Variants in ABCA13 observed in about 807,000 individuals in gnomAD.
The protein encoded by ABCA13 is ATP-binding cassette sub-family A member 13.
A neutral mutation model predicts 478.7 loss-of-function variants in ABCA13; 476 were observed. That is an observed-to-expected ratio of 0.99 (90% CI 0.92 to 1.07). The LOEUF is 1.07. Among genes scored for constraint, ABCA13 ranks in the 50% least tolerant of loss-of-function variants. The probability of loss-of-function intolerance (pLI) is 0.00; values close to 1 mark genes in which losing one functional copy is unlikely to be tolerated. For missense variants in ABCA13, 6,060 were observed against 5,910.6 expected, an observed-to-expected ratio of 1.03 and a Z score of -0.83; for synonymous variants, 2,252 against 2,158.9, an observed-to-expected ratio of 1.04 and a Z score of -1.20.
intron 15 of ABCA13, among the ~76,000 whole-genome samples, chr7:48,261,758 TG>T (rs1441087513): frequency 2.6e-5 from 4 of 151,980 alleles, no homozygotes; most frequent in Non-Finnish European, 5.9e-5. Flanking sequence ...CGATTCCTAC[TG>T]GTTTTTATTT....
chr7:48,303,803 T>C (rs1800508925), intron 23 of ABCA13, among the ~76,000 whole-genome samples: 1 of 152,202 alleles, frequency 6.6e-6, no homozygotes, highest in Non-Finnish European at 1.5e-5. Context: ...TATCATTTTT[T>C]TCTCTCAACT....
intron 20 of ABCA13, among the ~76,000 whole-genome samples, chr7:48,293,203 G>GCCC (rs1554419787): frequency 1.7e-5 from 2 of 114,932 alleles, no homozygotes; most frequent in South Asian, 6.7e-4. Flanking sequence ...CCCCCCCCCC[G>GCCC]CCACACACAC....
chr7:48,229,969 G>A lies in ABCA13; in HGVS notation c.763+14G>A, dbSNP rs762339192. The A allele has an allele frequency of 8.1e-6, 13 of 1,610,978 alleles. No individual in the cohort carries two copies. Among genetic ancestry groups the A allele is most frequent in the Admixed American group, 5.0e-5 (3 of 59,782 alleles). On this transcript the variant is annotated intron_variant, in intron 7 of 61. Coordinates refer to ENST00000435803, the MANE Select transcript of ABCA13 (RefSeq NM_152701.5). ...TAGCAGTCACCGGTATGGGTGCCTT[G>A]TAGCTATTGCTATATTTCAAAACGT...
intron 42 of ABCA13, 107 bp downstream of exon 42, chr7:48,427,978 A>T (rs1384602763): frequency 1.4e-6 from 1 of 728,146 alleles, no homozygotes; most frequent in Admixed American, 3.2e-5. Context: ...GAAGTTAGTG[A>T]GGAGATGTGA....
At chr7:48,339,181 C>T (rs746127714) in intron 29 of ABCA13, among the ~76,000 whole-genome samples, 3 of 152,070 alleles carry the variant, frequency 2.0e-5, no homozygotes, top group African/African-American at 7.2e-5. Flanking sequence ...GAAAGGGTTT[C>T]GGATCTGCCT....
intron 55 of ABCA13, among the ~76,000 whole-genome samples, chr7:48,565,881 G>A (rs971377626): frequency 9.9e-5 from 15 of 152,106 alleles, no homozygotes; most frequent in African/African-American, 3.6e-4. Context: ...CAACAGACAG[G>A]AGCCTGTGAC....
chr7:48,630,497 C>CCA (rs1794077124), intron 59 of ABCA13, among the ~76,000 whole-genome samples: 1 of 152,180 alleles, frequency 6.6e-6, no homozygotes, highest in Admixed American at 6.5e-5. Flanking sequence ...CGATCTTGTT[C>CCA]TTTTTTACGA....
Position 48,544,286 on chromosome 7 carries a change from A to G in ABCA13, c.14354+15941A>G, listed in dbSNP as rs546694704. On this transcript the variant is annotated intron_variant, in intron 55 of 61. Coordinates refer to ENST00000435803, the MANE Select transcript of ABCA13 (RefSeq NM_152701.5). ...TTGTCTTAGACCCATTTCCAAGCCT[A>G]CAACTCCTAAAATTCTTGGAATGTC... 3.3e-5 allele frequency among the ~76,000 whole-genome samples: 5 copies of G among 151,880 alleles called. No individual in the cohort carries two copies. The East Asian group carries it at 5.8e-4, about 18-fold the overall frequency.
At chr7:48,315,062 T>G (rs151253332) in intron 26 of ABCA13, among the ~76,000 whole-genome samples, 1 of 152,348 alleles carries the variant, frequency 6.6e-6, no homozygotes, top group Non-Finnish European at 1.5e-5. Context: ...CTCCATCAGT[T>G]GTGCATTTTT....
intron 7 of ABCA13, among the ~76,000 whole-genome samples, chr7:48,230,986 C>A (rs571882578): frequency 1.3e-5 from 2 of 152,178 alleles, no homozygotes; most frequent in South Asian, 2.1e-4. Context: ...AGGGGAACAA[C>A]ATACACCAGG....
intron 19 of ABCA13, among the ~76,000 whole-genome samples, chr7:48,286,782 C>T (rs1266493852): frequency 2.0e-5 from 3 of 152,024 alleles, no homozygotes; most frequent in East Asian, 1.9e-4. Flanking sequence ...GGATTACAGG[C>T]GTGAGCCACC....
At chr7:48,554,480 T>C (rs991245221) in intron 55 of ABCA13, among the ~76,000 whole-genome samples, 1 of 151,946 alleles carries the variant, frequency 6.6e-6, no homozygotes, top group African/African-American at 2.4e-5. Flanking sequence ...TCCATTTTTT[T>C]ATTCCTTCTT....
intron 7 of ABCA13, among the ~76,000 whole-genome samples, chr7:48,231,259 A>G (rs1017197503): frequency 6.6e-6 from 1 of 152,180 alleles, no homozygotes; most frequent in Non-Finnish European, 1.5e-5. Context: ...AAACAAACAA[A>G]CAAACAAAAA....
chr7:48,568,637 A>AT (rs913093359), intron 55 of ABCA13, among the ~76,000 whole-genome samples: 18 of 151,774 alleles, frequency 1.2e-4, no homozygotes, highest in Middle Eastern at 3.4e-3. Context: ...TAGCTTGGGA[A>AT]TTTTTTTTCT....
chr7:48,273,328 A>C lies in ABCA13; in HGVS notation c.3662A>C (p.Asp1221Ala), dbSNP rs1265939753. The C allele has an allele frequency of 1.2e-6, 2 of 1,613,404 alleles. No homozygotes were observed. The highest frequency in any genetic ancestry group is 1.7e-6 in the Non-Finnish European group (2 of 1,179,764). The change falls in exon 17 of 62, where the codon GAC becomes GCC. Residue 1221 changes from aspartate (D) to alanine (A), a missense_variant. By Grantham distance (126) the Asp-to-Ala change is moderately radical (BLOSUM62 -2). Transcript: ENST00000435803. Reference sequence around the variant, plus strand: ...TTTAAAAATGTAACTCAAGCCAATGACTTCCATAATTGGGAGGACTTCCTG... The same window carrying C: ...TTTAAAAATGTAACTCAAGCCAATGCCTTCCATAATTGGGAGGACTTCCTG... ...NLFKNVTQAN[D>A]FHNWEDFLDL... is the part of the protein sequence containing the mutation.
intron 57 of ABCA13, among the ~76,000 whole-genome samples, chr7:48,594,345 A>G (rs1790065207): frequency 1.3e-5 from 2 of 151,900 alleles, no homozygotes; most frequent in Admixed American, 1.3e-4. Flanking sequence ...GCTTGATCAA[A>G]TGTGCTTTTC....
intron 43 of ABCA13, among the ~76,000 whole-genome samples, chr7:48,464,656 A>G (rs1826670777): frequency 6.6e-6 from 1 of 152,220 alleles, no homozygotes; most frequent in African/African-American, 2.4e-5. Context: ...AGAAAGGGCC[A>G]GATTTAGGGA....
At chr7:48,389,270 C>T in intron 37 of ABCA13, 50 bp downstream of exon 37, 2 of 1,555,046 alleles carry the variant, frequency 1.3e-6, no homozygotes, top group Non-Finnish European at 1.7e-6. Context: ...ATTCTTAAAA[C>T]TTCAGTTTAC....
chr7:48,320,163 G>A (rs969258251), intron 27 of ABCA13, among the ~76,000 whole-genome samples: 1 of 152,178 alleles, frequency 6.6e-6, no homozygotes, highest in African/African-American at 2.4e-5. Flanking sequence ...CATGAATTAG[G>A]CAATGCCAGA....
Sources: allele counts gnomAD v4.1 joint callset (sites outside exome capture counted in the v4.1 genomes callset), GRCh38; gene constraint gnomAD v4.1.1; transcripts MANE v1.5; gene names NCBI Gene and HGNC (gene_info 2026-07-23, HGNC 2026-07-21).